The following NLRX1 variants were observed in gnomAD, a reference collection of about 807,000 sequenced individuals.
The protein encoded by NLRX1 is NOD-like receptor X1.
NLRX1 carries 67 observed loss-of-function variants against 74.2 expected under a neutral mutation model. The ratio of observed to expected loss-of-function variants is 0.90; its 90% CI spans 0.74 to 1.11. The LOEUF is 1.11. Among genes scored for constraint, NLRX1 ranks in the 50% least tolerant of loss-of-function variants. The pLI is 0.00. For synonymous variants in NLRX1, 506 were observed against 559.1 expected, an observed-to-expected ratio of 0.91 and a Z score of 1.34; for missense variants, 1,191 against 1,305.4, an observed-to-expected ratio of 0.91 and a Z score of 1.35.
chr11:119,179,577 A>T (rs764844108), intron 6 of NLRX1, 116 bp from the exon 7 acceptor site: 201 of 835,778 alleles, frequency 2.4e-4, no homozygotes, highest in Non-Finnish European at 3.5e-4. Context: ...AATTATGCTA[A>T]GTTCAAGGGG....
At position 119,174,621 on chromosome 11, in the gene NLRX1, G is replaced by T. The variant is rs1212625211; in HGVS notation, c.1018G>T (p.Val340Phe). 21 of 1,613,980 alleles carry T rather than the reference G, an allele frequency of 1.3e-5. No individual in the cohort carries two copies. Among genetic ancestry groups the T allele is most frequent in the Non-Finnish European group, 1.7e-5 (20 of 1,180,052 alleles). ...YCGYAVGGSGVSATPAQRDHL... is the reference protein window; with the variant it reads ...YCGYAVGGSGFSATPAQRDHL... ...CGGGTATGCCGTTGGCGGTTCAGGT[G>T]TCTCTGCCACACCAGCTCAGCGTGA... Residue 340 changes from valine (V) to phenylalanine (F), a missense_variant, in exon 6 of 10, where the codon GTC becomes TTC. Transcript: ENST00000409109.
At chr11:119,171,298 G>C in intron 1 of NLRX1, 58 bp from the exon 2 acceptor site, 1 of 1,246,598 alleles carries the variant, frequency 8.0e-7, no homozygotes, top group East Asian at 2.5e-5. Context: ...CTGGAATGGG[G>C]TTAGGGGTGC....
intron 9 of NLRX1, among the ~76,000 whole-genome samples, chr11:119,182,835 C>T (rs531270254): frequency 2.0e-5 from 3 of 151,126 alleles, no homozygotes; most frequent in Admixed American, 6.6e-5. Flanking sequence ...TGCAGTAAGC[C>T]GAGATCATGC....
Position 119,183,180 on chromosome 11 carries a change from C to G in NLRX1, c.2669C>G (p.Ala890Gly). The change falls in exon 10 of 10, where the codon GCT becomes GGT. Residue 890 changes from alanine to glycine, a missense_variant. Ala to Gly is a moderately conservative substitution (Grantham distance 60). Coordinates refer to ENST00000409109, the MANE Select transcript of NLRX1 (RefSeq NM_001282144.2). The surrounding 1 kb of genome is among the most constrained non-coding windows in gnomAD (Gnocchi z 5.7). Reference sequence around the variant, plus strand: ...GTCTTGCGAGACTTGGGGGGTGCTGCTGAAGGTGGTGCCCGGGTGGTGGTG... The same window carrying G: ...GTCTTGCGAGACTTGGGGGGTGCTGGTGAAGGTGGTGCCCGGGTGGTGGTG... ...RQVLRDLGGAAEGGARVVVSL... is the reference protein window; with the variant it reads ...RQVLRDLGGAGEGGARVVVSL... The G allele has an allele frequency of 6.2e-7, 1 of 1,614,210 alleles. No homozygotes were observed. Among genetic ancestry groups the G allele is most frequent in the Non-Finnish European group, 8.5e-7 (1 of 1,180,038 alleles).
intron 7 of NLRX1, among the ~76,000 whole-genome samples, chr11:119,180,642 G>A (rs1447404786): frequency 2.6e-5 from 4 of 151,182 alleles, no homozygotes; most frequent in South Asian, 2.1e-4. Flanking sequence ...CGGAGGTTGC[G>A]GTGAGCTGAG....
At position 119,183,293 on chromosome 11, in the gene NLRX1, C is replaced by T. The variant is rs368437676; in HGVS notation, c.2782C>T (p.Arg928Trp). ...GAACCTCAATAGCTGGGATCGGGCC[C>T]GGGTTCAGCGACACCTTGAGCTCCT... ...QRNLNSWDRA[R>W]VQRHLELLLR... The change falls in exon 10 of 10, where the codon CGG (arginine) becomes TGG (tryptophan). Residue 928 changes from arginine (R) to tryptophan (W), a missense_variant. Physicochemically the swap from Arg to Trp is moderately radical, Grantham distance 101. Coordinates refer to ENST00000409109, the MANE Select transcript of NLRX1 (RefSeq NM_001282144.2). This position sits in a 1 kb window ranked among gnomAD's most constrained non-coding sequence, Gnocchi z 5.7. The T allele has an allele frequency of 3.5e-5, 56 of 1,614,070 alleles. No individual in the cohort carries two copies. Among genetic ancestry groups the T allele is most frequent in the Non-Finnish European group, 4.3e-5 (51 of 1,180,044 alleles).
In NLRX1 at chr11:119,175,224, G is replaced by T. The variant is rs1948674612; in HGVS notation, c.1621G>T (p.Ala541Ser). ...CGTCAGCCTGGTACTGGGCATCATG[G>T]CCAAGCTGCTGCCTCTGCGGGCTCT... ...EDVSLVLGIM[A>S]KLLPLRALPL... The change falls in exon 6 of 10, where the codon GCC (alanine) becomes TCC (serine). Residue 541 changes from alanine to serine, a missense_variant. Ala to Ser is a moderately conservative substitution (Grantham distance 99). Transcript: ENST00000409109. 2 of 1,614,058 alleles carry T rather than the reference G, an allele frequency of 1.2e-6. No homozygotes were observed. The highest frequency in any genetic ancestry group is 1.7e-5 in the Admixed American group (1 of 60,006).
rs762821623 is a variant in NLRX1 at position 119,182,291 on chromosome 11, C to CGGCCCT, written c.2563_2568dup (p.Leu855_Ala856dup). The CGGCCCT allele has an allele frequency of 1.3e-5, 21 of 1,613,412 alleles. No individual in the cohort carries two copies. The Admixed American group carries it at 1.5e-4, about 12-fold the overall frequency. ...GCGTACAACGGTGCTGGTGACACAG[C>CGGCCCT]GGCCCTGGCCCTGGCCAGAGCTGCC... On this transcript the variant is annotated inframe_insertion, in exon 9 of 10. Transcript: ENST00000409109.
Position 119,183,346 on chromosome 11 carries a change from T to G in NLRX1, c.2835T>G (p.Gly945=). The stretch of plus-strand genomic sequence containing the variant: ...TGCGGGATCTGGAAGATAGCCGGGG[T>G]GCCACCCTTAATCCTTGGCGCAAGG... ...LLLRDLEDSR[G]ATLNPWRKAQ... is the part of the protein sequence containing the mutation. Residue 945 remains glycine, a synonymous_variant, in exon 10 of 10, where the codon GGT becomes GGG. Transcript: ENST00000409109. The surrounding 1 kb of genome is among the most constrained non-coding windows in gnomAD (Gnocchi z 5.7). The G allele has an allele frequency of 1.9e-6, 3 of 1,614,112 alleles. No homozygotes were observed. The highest frequency in any genetic ancestry group is 2.2e-5 in the South Asian group (2 of 91,078).
chr11:119,176,457 G>T (rs1007646778), intron 6 of NLRX1, among the ~76,000 whole-genome samples: 2 of 152,026 alleles, frequency 1.3e-5, no homozygotes, highest in African/African-American at 4.8e-5. Context: ...AGTGGCTCAC[G>T]CCTGTAATCC....
chr11:119,174,317 A>G, intron 5 of NLRX1, 136 bp from the exon 6 acceptor site: 1 of 1,041,274 alleles, frequency 9.6e-7, no homozygotes, highest in Admixed American at 2.2e-5. Context: ...GCAGGTGTTC[A>G]GTAATTGCTA....
rs1286363903 is a variant in NLRX1, at chr11:119,172,576, TGA to T, written c.140+155_140+156del. On this transcript the variant is annotated intron_variant, in intron 3 of 9. Coordinates refer to ENST00000409109, the MANE Select transcript of NLRX1 (RefSeq NM_001282144.2). ...GGAGGACAGTGGCAGCTCCAAGGCC[TGA>T]GAGGAAGTTGGCTTAGATCATCTGT... 3 of 663,760 alleles carry T rather than the reference TGA, an allele frequency of 4.5e-6. No homozygotes were observed. The African/African-American group carries it at 5.4e-5, about 12-fold the overall frequency. The allele number at this position is 663,760 out of a possible 1,614,324, so 41.1% of individuals were successfully genotyped here. A position where few individuals can be genotyped will look rare whatever the true frequency, so the allele number is the denominator to read the frequency against.
intron 6 of NLRX1, among the ~76,000 whole-genome samples, chr11:119,179,003 G>A (rs536606286): frequency 6.6e-6 from 1 of 152,234 alleles, no homozygotes; most frequent in East Asian, 1.9e-4. Flanking sequence ...CTTTGAAGGA[G>A]GAAAAACCTT....
Position 119,181,214 on chromosome 11 carries a change from C to T in NLRX1, c.2311C>T (p.Arg771Ter), listed in dbSNP as rs371707599. The T allele has an allele frequency of 5.1e-5, 83 of 1,613,794 alleles. No individual in the cohort carries two copies. Among genetic ancestry groups the T allele is most frequent in the South Asian group, 1.2e-4 (11 of 91,066 alleles). The stretch of plus-strand genomic sequence containing the variant: ...GGGCCCTGAGGCCTGCAAGGACCTC[C>T]GAGACCTGTTGCTGCATGACCAGTG... ...SLGPEACKDL[R>*]DLLLHDQCQI... The change falls in exon 8 of 10, where the codon CGA (arginine) becomes TGA (stop). Residue 771 changes from arginine (R) to a stop codon, truncating the protein, a stop_gained. Transcript: ENST00000409109. LOFTEE classifies it high-confidence loss of function.
At chr11:119,179,572 T>C in intron 6 of NLRX1, 121 bp from the exon 7 acceptor site, 1 of 805,054 alleles carries the variant, frequency 1.2e-6, no homozygotes, top group Non-Finnish European at 2.0e-6. Flanking sequence ...AGACAAATTA[T>C]GCTAAGTTCA....
rs150211874 is a variant in NLRX1, at chr11:119,170,551, T to C, written c.-48-805T>C. ...CTGGAGATGTCAAGTGAGAAGTTCA[T>C]TCATTTATTTATTATTTATGTCAGC... On this transcript the variant is annotated intron_variant, in intron 1 of 9. Transcript: ENST00000409109. Among the ~76,000 whole-genome samples, 32 of 152,314 alleles carry C rather than the reference T, an allele frequency of 2.1e-4. No homozygotes were observed. In the East Asian group the frequency reaches 6.2e-3, roughly 29 times the overall value.
In NLRX1 at chr11:119,183,159, T is replaced by TG; in HGVS notation, c.2649dup (p.Arg884AlafsTer8). 1 of 1,614,152 alleles carries TG rather than the reference T, an allele frequency of 6.2e-7. No homozygotes were observed. Among genetic ancestry groups the TG allele is most frequent in the South Asian group, 1.1e-5 (1 of 91,082 alleles). ...CTGAGCTCAGAGGGCCGCCAGGTCT[T>TG]GCGAGACTTGGGGGGTGCTGCTGAA... On this transcript the variant is annotated frameshift_variant, in exon 10 of 10. Transcript: ENST00000409109. LOFTEE classifies it high-confidence loss of function. This position sits in a 1 kb window ranked among gnomAD's most constrained non-coding sequence, Gnocchi z 5.7.
At chr11:119,178,118 T>C (rs569767311) in intron 6 of NLRX1, among the ~76,000 whole-genome samples, 16 of 151,938 alleles carry the variant, frequency 1.1e-4, no homozygotes, top group Admixed American at 8.5e-4. Flanking sequence ...CAGTGAGCTA[T>C]GATCACACCA....
At position 119,179,649 on chromosome 11, in the gene NLRX1, G is replaced by A. The variant is rs192949567; in HGVS notation, c.1672-44G>A. ...TAAGCTGAACCTTGAAGGCTGAACAGGCACATGGAAGGCCACAGTGACTCT... is the reference window on the plus strand; with the variant it reads ...TAAGCTGAACCTTGAAGGCTGAACAAGCACATGGAAGGCCACAGTGACTCT... On this transcript the variant is annotated intron_variant, in intron 6 of 9. Coordinates refer to ENST00000409109, the MANE Select transcript of NLRX1 (RefSeq NM_001282144.2). 135 of 1,528,420 alleles carry A rather than the reference G, an allele frequency of 8.8e-5. No homozygotes were observed. The African/African-American group carries it at 1.7e-3, about 19-fold the overall frequency. 94.7% of individuals were successfully genotyped at this position (1,528,420 alleles called of 1,614,324 possible).
Sources: allele counts gnomAD v4.1 joint callset (sites outside exome capture counted in the v4.1 genomes callset), GRCh38; gene constraint gnomAD v4.1.1; non-coding constraint Gnocchi (gnomAD v3.1); transcripts MANE v1.5; gene names NCBI Gene and HGNC (gene_info 2026-07-23, HGNC 2026-07-21).